Variants in SLC35A5 observed in about 807,000 individuals in gnomAD.
SLC35A5 encodes the protein solute carrier family 35 member A5.
A neutral mutation model predicts 36.3 loss-of-function variants in SLC35A5; 28 were observed. The ratio of observed to expected loss-of-function variants is 0.77; its 90% CI spans 0.57 to 1.06. SLC35A5 has a LOEUF of 1.06. Among genes scored for constraint, SLC35A5 ranks in the 50% least tolerant of loss-of-function variants. The probability of loss-of-function intolerance (pLI) is 0.00; values close to 1 mark genes in which losing one functional copy is unlikely to be tolerated. For missense variants in SLC35A5, 521 were observed against 499.3 expected, an observed-to-expected ratio of 1.04 and a Z score of -0.41; for synonymous variants, 180 against 173.7, an observed-to-expected ratio of 1.04 and a Z score of -0.29.
chr3:112,567,438 A>T (rs1304761684), intron 2 of SLC35A5, among the ~76,000 whole-genome samples: 4 of 151,972 alleles, frequency 2.6e-5, no homozygotes, highest in Non-Finnish European at 5.9e-5. Context: ...GATTACAGGC[A>T]TGTGCCACCA....
chr3:112,571,791 G>A (rs530912567), intron 4 of SLC35A5, among the ~76,000 whole-genome samples: 7 of 152,180 alleles, frequency 4.6e-5, no homozygotes, highest in South Asian at 2.1e-4. Flanking sequence ...TGAAACCTCC[G>A]CCATGATTCA....
intron 2 of SLC35A5, among the ~76,000 whole-genome samples, chr3:112,564,612 T>C (rs1213495034): frequency 6.6e-6 from 1 of 152,156 alleles, no homozygotes; most frequent in Non-Finnish European, 1.5e-5. Context: ...CTAATCCTCC[T>C]CAGCACAGAC....
chr3:112,576,610 A>G (rs771993444), intron 5 of SLC35A5, among the ~76,000 whole-genome samples: 30 of 152,118 alleles, frequency 2.0e-4, no homozygotes, highest in Middle Eastern at 3.4e-3. Context: ...GAATTTGACT[A>G]CTTTAGATTC....
Position 112,580,917 on chromosome 3 carries a change from A to G in SLC35A5, c.800A>G (p.Gln267Arg), listed in dbSNP as rs1405713029. The change falls in exon 6 of 7, where the codon CAG (glutamine) becomes CGG (arginine). Residue 267 changes from glutamine to arginine, a missense_variant. Coordinates refer to ENST00000492406, the MANE Select transcript of SLC35A5 (RefSeq NM_017945.5). ...GNQLTESIFI[Q>R]NSKLYFFGIL... is the part of the protein sequence containing the mutation. Reference sequence around the variant, plus strand: ...CAGCTCACTGAAAGCATCTTCATACAGAACAGCAAACTCTATTTCTTTGGC... The same window carrying G: ...CAGCTCACTGAAAGCATCTTCATACGGAACAGCAAACTCTATTTCTTTGGC... 4 of 1,614,170 alleles carry G rather than the reference A, an allele frequency of 2.5e-6. No homozygotes were observed. The highest frequency in any genetic ancestry group is 3.4e-6 in the Non-Finnish European group (4 of 1,179,994).
intron 2 of SLC35A5, among the ~76,000 whole-genome samples, chr3:112,564,598 T>C (rs532454248): frequency 2.4e-4 from 36 of 152,236 alleles, no homozygotes; most frequent in African/African-American, 8.4e-4. Flanking sequence ...TCCTTCCTCT[T>C]TTACTAATCC....
At chr3:112,580,407 T>C in intron 5 of SLC35A5, 139 bp from the exon 6 acceptor site, 1 of 931,406 alleles carries the variant, frequency 1.1e-6, no homozygotes, top group Non-Finnish European at 1.6e-6. Context: ...AGTTTTTCTC[T>C]GAACTTGAGT....
upstream of SLC35A5, chr3:112,561,535 G>A (rs776484460): frequency 4.4e-6 from 7 of 1,607,512 alleles, no homozygotes; most frequent in Admixed American, 1.0e-4. Flanking sequence ...GCATCCTGGG[G>A]CCGGAGTAGC....
At chr3:112,579,587 T>C (rs913244221) in intron 5 of SLC35A5, among the ~76,000 whole-genome samples, 6 of 152,158 alleles carry the variant, frequency 3.9e-5, no homozygotes, top group African/African-American at 1.4e-4. Flanking sequence ...CACCACCTCC[T>C]TTTTCACATG....
At chr3:112,565,974 G>A (rs1055292357) in intron 2 of SLC35A5, among the ~76,000 whole-genome samples, 2 of 152,142 alleles carry the variant, frequency 1.3e-5, no homozygotes, top group Non-Finnish European at 2.9e-5. Flanking sequence ...TGTTATGGTA[G>A]CTGGATGGCA....
At chr3:112,581,391 G>GA (rs1282227547) in intron 6 of SLC35A5, 65 bp downstream of exon 6, 6 of 1,472,694 alleles carry the variant, frequency 4.1e-6, no homozygotes, top group East Asian at 4.5e-5. Flanking sequence ...TTAATTCAAG[G>GA]AAAAAAATAA....
intron 2 of SLC35A5, among the ~76,000 whole-genome samples, chr3:112,565,722 G>A (rs754384947): frequency 1.2e-4 from 18 of 152,138 alleles, no homozygotes; most frequent in Non-Finnish European, 2.2e-4. Context: ...GCAGTGAGCC[G>A]AGATCATGCC....
chr3:112,573,381 T>G (rs1322171361), intron 4 of SLC35A5, among the ~76,000 whole-genome samples: 2 of 152,222 alleles, frequency 1.3e-5, no homozygotes, highest in Non-Finnish European at 2.9e-5. Flanking sequence ...CTTGAATCAG[T>G]GCGCAGGGCT....
intron 5 of SLC35A5, among the ~76,000 whole-genome samples, chr3:112,577,821 G>A (rs1166195082): frequency 1.3e-5 from 2 of 152,146 alleles, no homozygotes; most frequent in African/African-American, 4.8e-5. Flanking sequence ...TCATTCAGTT[G>A]ATAAATTTTC....
At chr3:112,579,138 T>A (rs891916705) in intron 5 of SLC35A5, among the ~76,000 whole-genome samples, 1 of 152,212 alleles carries the variant, frequency 6.6e-6, no homozygotes, top group African/African-American at 2.4e-5. Flanking sequence ...TGCACACAAC[T>A]TCCTATATGT....
At chr3:112,561,550 G>A, upstream of SLC35A5, 3 of 1,595,234 alleles carry the variant, frequency 1.9e-6, no homozygotes, top group African/African-American at 1.3e-5. Flanking sequence ...AGTAGCGGCC[G>A]GCCCCGCGAC....
intron 2 of SLC35A5, among the ~76,000 whole-genome samples, chr3:112,564,540 C>T (rs913276363): frequency 2.6e-5 from 4 of 152,152 alleles, no homozygotes; most frequent in Admixed American, 1.3e-4. Flanking sequence ...TGCCCAGGGA[C>T]GAGCAGGAGA....
At chr3:112,566,455 A>C (rs935514034) in intron 2 of SLC35A5, among the ~76,000 whole-genome samples, 5 of 152,248 alleles carry the variant, frequency 3.3e-5, no homozygotes, top group Admixed American at 3.3e-4. Context: ...ATTGATATTT[A>C]AAACTTAAGG....
At chr3:112,572,660 T>C (rs1472780749) in intron 4 of SLC35A5, among the ~76,000 whole-genome samples, 2 of 152,356 alleles carry the variant, frequency 1.3e-5, no homozygotes, top group East Asian at 3.9e-4. Flanking sequence ...TCTTACAGAA[T>C]AAAACACATG....
chr3:112,561,666 C>G (rs1933892050), upstream of SLC35A5: 2 of 851,170 alleles, frequency 2.3e-6, no homozygotes, highest in Admixed American at 2.7e-5. Context: ...GGACGGGACG[C>G]GACGCGACGG....
Sources: gnomAD v4.1 joint callset for allele counts (sites outside exome capture counted in the v4.1 genomes callset) on GRCh38, gnomAD v4.1.1 for gene constraint, MANE v1.5 for transcripts, NCBI Gene and HGNC (gene_info 2026-07-23, HGNC 2026-07-21) for gene names.